CYTH3: variants seen among roughly 807,000 people sequenced by gnomAD.
CYTH3 encodes the protein cytohesin-3.
CYTH3 carries 23 observed loss-of-function variants against 55.1 expected under a neutral mutation model. The observed-to-expected ratio is 0.42, with a 90% CI of 0.30 to 0.59. The LOEUF (loss-of-function observed/expected upper bound fraction) is 0.59. CYTH3 is among the 20% of genes least tolerant of loss of function. The probability of loss-of-function intolerance (pLI) is 0.20; values close to 1 mark genes in which losing one functional copy is unlikely to be tolerated. For synonymous variants in CYTH3, 249 were observed against 194.9 expected (o/e 1.28, Z -2.31); for missense variants, 413 against 524.8 (o/e 0.79, Z 2.08).
chr7:6,175,423 C>G (rs1009610027), intron 5 of CYTH3, among the ~76,000 whole-genome samples: 2 of 152,034 alleles, frequency 1.3e-5, no homozygotes, highest in African/African-American at 4.8e-5. Flanking sequence ...GTCTTGGTAC[C>G]TGGTTGAAAA....
intron 5 of CYTH3, among the ~76,000 whole-genome samples, chr7:6,174,221 T>C (rs1783274734): frequency 6.6e-6 from 1 of 151,906 alleles, no homozygotes; most frequent in Non-Finnish European, 1.5e-5. Context: ...TCGAAGCGAC[T>C]CTCCTGCCTC....
intron 1 of CYTH3, among the ~76,000 whole-genome samples, chr7:6,241,119 TC>T (rs1779662119): frequency 6.6e-6 from 1 of 150,764 alleles, no homozygotes; most frequent in African/African-American, 2.4e-5. Flanking sequence ...GAGACTCATC[TC>T]AAAAAAAAAA....
intron 1 of CYTH3, among the ~76,000 whole-genome samples, chr7:6,260,948 T>C (rs147076197): frequency 5.1e-4 from 78 of 152,340 alleles, no homozygotes; most frequent in African/African-American, 1.8e-3. Context: ...CCATTTTAAA[T>C]AGCAAAATTG....
intron 1 of CYTH3, among the ~76,000 whole-genome samples, chr7:6,228,586 A>T (rs918811187): frequency 3.3e-5 from 5 of 152,202 alleles, no homozygotes; most frequent in African/African-American, 1.2e-4. Context: ...CAGTTTTAAC[A>T]CAAGTAGAGG....
intron 1 of CYTH3, among the ~76,000 whole-genome samples, chr7:6,257,574 A>AG (rs1255222983): frequency 1.3e-5 from 2 of 152,238 alleles, no homozygotes; most frequent in African/African-American, 4.8e-5. Context: ...TTTTATTAAA[A>AG]GGGGAGAAAG....
chr7:6,254,302 G>T (rs569138467), intron 1 of CYTH3, among the ~76,000 whole-genome samples: 3 of 152,150 alleles, frequency 2.0e-5, no homozygotes, highest in African/African-American at 7.2e-5. Flanking sequence ...AAACATTTTG[G>T]TAACAACTGG....
At chr7:6,238,348 T>C (rs920160267) in intron 1 of CYTH3, among the ~76,000 whole-genome samples, 1 of 152,194 alleles carries the variant, frequency 6.6e-6, no homozygotes, top group African/African-American at 2.4e-5. Context: ...GGAAATGATT[T>C]ACTCCTCCTC....
intron 1 of CYTH3, among the ~76,000 whole-genome samples, chr7:6,259,444 A>C (rs562985073): frequency 1.6e-4 from 24 of 152,046 alleles, no homozygotes; most frequent in Non-Finnish European, 2.8e-4. Context: ...CGAGGAAAGT[A>C]AATCAAAATA....
chr7:6,209,827 T>C (rs1189894239), intron 1 of CYTH3, among the ~76,000 whole-genome samples: 2 of 152,230 alleles, frequency 1.3e-5, no homozygotes, highest in Admixed American at 1.3e-4. Flanking sequence ...GAACTTTAAC[T>C]GTATATGGCT....
chr7:6,171,145 C>G lies in CYTH3; in HGVS notation c.562+57G>C. On this transcript the variant is annotated intron_variant, in intron 7 of 12. Coordinates refer to ENST00000350796, the MANE Select transcript of CYTH3 (RefSeq NM_004227.4). This position sits in a 1 kb window ranked among gnomAD's most constrained non-coding sequence, Gnocchi z 6.7. The stretch of plus-strand genomic sequence containing the variant: ...TGGGCTGTGCCCACAGGGGCCGCCC[C>G]CTCCAGAGCTGGAGGCTGTGCCTGG... 6.2e-7 allele frequency: 1 copy of G among 1,601,030 alleles called. No individual in the cohort carries two copies. Among genetic ancestry groups the G allele is most frequent in the Admixed American group, 1.7e-5 (1 of 59,582 alleles).
chr7:6,214,060 C>A (rs1784378098), intron 1 of CYTH3, among the ~76,000 whole-genome samples: 1 of 152,110 alleles, frequency 6.6e-6, no homozygotes, highest in Non-Finnish European at 1.5e-5. Context: ...TTTTATAGGG[C>A]CCATCTTGGA....
intron 9 of CYTH3, among the ~76,000 whole-genome samples, 188 bp from the exon 10 acceptor site, chr7:6,165,998 G>A (rs549898883): frequency 9.2e-5 from 14 of 152,222 alleles, no homozygotes; most frequent in Admixed American, 2.0e-4. Context: ...CCACACCGGC[G>A]CCCCCTCCAC....
At chr7:6,166,246 G>A (rs1293326634) in intron 9 of CYTH3, among the ~76,000 whole-genome samples, 1 of 152,218 alleles carries the variant, frequency 6.6e-6, no homozygotes, top group Non-Finnish European at 1.5e-5. Context: ...GGAATCGTGA[G>A]ACTGAATTAA....
chr7:6,190,544 A>G lies in CYTH3; in HGVS notation c.35-13T>C, dbSNP rs1259528765. The G allele has an allele frequency of 6.7e-7, 1 of 1,500,454 alleles. No individual in the cohort carries two copies. The highest frequency in any genetic ancestry group is 8.8e-7 in the Non-Finnish European group (1 of 1,135,364). 92.9% of individuals were successfully genotyped at this position (1,500,454 alleles called of 1,614,324 possible). A position where few individuals can be genotyped will look rare whatever the true frequency, so the allele number is the denominator to read the frequency against. On this transcript the variant is annotated splice_polypyrimidine_tract_variant and intron_variant, in intron 1 of 12. Coordinates refer to ENST00000350796, the MANE Select transcript of CYTH3 (RefSeq NM_004227.4). Reference sequence around the variant, plus strand: ...AGGTCTTCAGGCACTGAAAGAAGAAAAAAATAATTAACTACTTTGGAGAAC... The same window carrying G: ...AGGTCTTCAGGCACTGAAAGAAGAAGAAAATAATTAACTACTTTGGAGAAC...
At chr7:6,225,032 GGCGCTGGGGTAAGGA>G (rs1779208544) in intron 1 of CYTH3, among the ~76,000 whole-genome samples, 1 of 152,180 alleles carries the variant, frequency 6.6e-6, no homozygotes, top group Admixed American at 6.5e-5. Context: ...GCCAGTGGCT[GGCGCTGGGGTAAGGA>G]CTGACTGCAA....
intron 1 of CYTH3, among the ~76,000 whole-genome samples, chr7:6,244,632 T>C (rs939584016): frequency 1.3e-5 from 2 of 151,990 alleles, no homozygotes; most frequent in Non-Finnish European, 2.9e-5. Flanking sequence ...ACCCAGCTTT[T>C]AATTTTTTTG....
intron 1 of CYTH3, among the ~76,000 whole-genome samples, chr7:6,220,549 G>A (rs1016546982): frequency 1.4e-5 from 2 of 145,078 alleles, no homozygotes; most frequent in Non-Finnish European, 3.0e-5. Flanking sequence ...TACAGACTGG[G>A]AGAAAGTCTC....
At chr7:6,192,778 C>T (rs568797206) in intron 1 of CYTH3, among the ~76,000 whole-genome samples, 28 of 151,240 alleles carry the variant, frequency 1.9e-4, no homozygotes, top group Non-Finnish European at 3.2e-4. Flanking sequence ...AGTGATCCAC[C>T]CGTCTTGGCC....
Position 6,247,890 on chromosome 7 carries a change from C to G in CYTH3, c.34+24584G>C, listed in dbSNP as rs890213811. Among the ~76,000 whole-genome samples the G allele has an allele frequency of 4.9e-4, 74 of 150,700 alleles. 1 individual carries two copies. The highest frequency in any genetic ancestry group is 1.7e-3 in the African/African-American group (69 of 41,172). On this transcript the variant is annotated intron_variant, in intron 1 of 12. Transcript: ENST00000350796. ...CTGGTCTCGAACTCCTGGTCTTAAA[C>G]TCCTGGGCTCCAGTGATCCCCCCAT...
Sources: gnomAD v4.1 joint callset for allele counts (sites outside exome capture counted in the v4.1 genomes callset) on GRCh38, gnomAD v4.1.1 for gene constraint, Gnocchi (gnomAD v3.1) non-coding constraint, MANE v1.5 for transcripts, NCBI Gene and HGNC (gene_info 2026-07-23, HGNC 2026-07-21) for gene names.